The following NAALADL2 variants were observed in gnomAD, a reference collection of about 807,000 sequenced individuals.
NAALADL2 encodes the protein N-acetylated alpha-linked acidic dipeptidase like 2.
Under a neutral mutation model 87.2 loss-of-function variants are expected in NAALADL2, and 76 were observed. That is an observed-to-expected ratio of 0.87 (90% CI 0.72 to 1.05). NAALADL2 has a LOEUF of 1.05. NAALADL2 is among the 50% of genes least tolerant of loss of function. NAALADL2 has a pLI of 0.00. For missense variants in NAALADL2, 1,089 were observed against 945.8 expected, an observed-to-expected ratio of 1.15 and a Z score of -1.99; for synonymous variants, 354 against 331.0, an observed-to-expected ratio of 1.07 and a Z score of -0.75.
intron 2 of NAALADL2, among the ~76,000 whole-genome samples, chr3:174,572,438 G>C (rs1715039530): frequency 6.6e-6 from 1 of 152,184 alleles, no homozygotes; most frequent in African/African-American, 2.4e-5. Flanking sequence ...AAGCATCACT[G>C]TTAATGATGA....
rs146902640 is a variant in NAALADL2, at chr3:175,471,847, T to A, written c.1653+89T>A. ...ATTTCTTGATTTTTTCATTTATTTTTAAATATGCATCAAATGTTGTATAAG... is the reference window on the plus strand; with the variant it reads ...ATTTCTTGATTTTTTCATTTATTTTAAAATATGCATCAAATGTTGTATAAG... On this transcript the variant is annotated intron_variant, in intron 9 of 13. Coordinates refer to ENST00000454872, the MANE Select transcript of NAALADL2 (RefSeq NM_207015.3). 1,084 of 1,066,580 alleles carry A rather than the reference T, an allele frequency of 1.0e-3. 2 individuals are homozygous for A. The highest frequency in any genetic ancestry group is 1.3e-3 in the Non-Finnish European group (974 of 737,324). 66.1% of individuals were successfully genotyped at this position (1,066,580 alleles called of 1,614,324 possible). A position where few individuals can be genotyped will look rare whatever the true frequency, so the allele number is the denominator to read the frequency against.
intron 4 of NAALADL2, among the ~76,000 whole-genome samples, chr3:175,295,712 CACACAA>C (rs1329411373): frequency 9.0e-4 from 43 of 47,586 alleles, no homozygotes; most frequent in South Asian, 1.5e-3. Flanking sequence ...GATACACATG[CACACAA>C]ACACACACAC....
intron 1 of NAALADL2, among the ~76,000 whole-genome samples, chr3:174,908,952 C>T (rs940247032): frequency 6.6e-6 from 1 of 151,538 alleles, no homozygotes; most frequent in Non-Finnish European, 1.5e-5. Flanking sequence ...TGCAGAAAAG[C>T]CTGCAGTAAA....
At chr3:175,143,830 A>T (rs1730372085) in intron 2 of NAALADL2, among the ~76,000 whole-genome samples, 1 of 151,970 alleles carries the variant, frequency 6.6e-6, no homozygotes, top group Non-Finnish European at 1.5e-5. Flanking sequence ...ATGACATATC[A>T]TCAGTAAATA....
chr3:174,819,058 CTTTTTTTTTTTTTTTTTTTTTTT>C (rs3040106), intron 3 of NAALADL2, among the ~76,000 whole-genome samples: 1 of 47,536 alleles, frequency 2.1e-5, no homozygotes, highest in African/African-American at 8.1e-5. Flanking sequence ...ACCATTTATT[CTTTTTTTTTTTTTTTTTTTTTTT>C]TTTTTGGAGA....
In NAALADL2 at chr3:175,560,977, G is replaced by A. The variant is rs187502271; in HGVS notation, c.1654-15064G>A. Among the ~76,000 whole-genome samples, 89 of 152,256 alleles carry A rather than the reference G, an allele frequency of 5.8e-4. 1 individual carries two copies. The Middle Eastern group carries it at 0.01, about 17-fold the overall frequency. On this transcript the variant is annotated intron_variant, in intron 9 of 13. Transcript: ENST00000454872. Reference sequence around the variant, plus strand: ...GGGTTCAAAAAGGAAAGTAAGGCGAGACGACAGACTATTTGCTTACCTTAT... The same window carrying A: ...GGGTTCAAAAAGGAAAGTAAGGCGAAACGACAGACTATTTGCTTACCTTAT...
intron 3 of NAALADL2, among the ~76,000 whole-genome samples, chr3:174,750,233 A>C (rs138112130): frequency 0.022 from 3,393 of 152,266 alleles, 43 homozygotes; most frequent in Middle Eastern, 0.048. Context: ...GCAGTAAGAG[A>C]TCTTTAGCAA....
At chr3:175,485,648 C>T (rs1560631396) in intron 9 of NAALADL2, among the ~76,000 whole-genome samples, 1 of 152,140 alleles carries the variant, frequency 6.6e-6, no homozygotes. Flanking sequence ...GGCTGGAAGA[C>T]TCAGCAAGTT....
At chr3:174,963,579 A>T (rs1246057788) in intron 1 of NAALADL2, among the ~76,000 whole-genome samples, 1 of 152,162 alleles carries the variant, frequency 6.6e-6, no homozygotes, top group Non-Finnish European at 1.5e-5. Context: ...ATCCCCATGT[A>T]CATGACTTCA....
At chr3:174,675,730 A>G (rs1392415430) in intron 2 of NAALADL2, among the ~76,000 whole-genome samples, 1 of 152,070 alleles carries the variant, frequency 6.6e-6, no homozygotes. Flanking sequence ...TAGATAATTG[A>G]CACATTGTGT....
intron 9 of NAALADL2, among the ~76,000 whole-genome samples, chr3:175,526,086 G>A (rs906519787): frequency 6.6e-5 from 10 of 152,188 alleles, no homozygotes; most frequent in African/African-American, 2.4e-4. Context: ...AAAATGTAAA[G>A]TATCAGCCTT....
At chr3:174,546,426 T>C (rs1722735883) in intron 1 of NAALADL2, among the ~76,000 whole-genome samples, 1 of 152,128 alleles carries the variant, frequency 6.6e-6, no homozygotes, top group Admixed American at 6.5e-5. Flanking sequence ...GAAGACCTTA[T>C]TCAGACATTC....
intron 2 of NAALADL2, among the ~76,000 whole-genome samples, chr3:175,148,126 A>AATAATAAT (rs1731047129): frequency 8.6e-6 from 1 of 116,936 alleles, no homozygotes; most frequent in Admixed American, 9.1e-5. Context: ...ATAATAATAA[A>AATAATAAT]ATAATAATAA....
intron 3 of NAALADL2, among the ~76,000 whole-genome samples, chr3:174,749,990 G>A (rs573796643): frequency 7.9e-5 from 12 of 152,216 alleles, no homozygotes; most frequent in African/African-American, 1.9e-4. Context: ...AACATGGACT[G>A]CCTTCCCATG....
At chr3:174,545,979 G>T in intron 1 of NAALADL2, among the ~76,000 whole-genome samples, 1 of 149,694 alleles carries the variant, frequency 6.7e-6, no homozygotes. Context: ...GTTTCTTCCT[G>T]TTTTCCTTTT....
At chr3:175,459,659 C>G (rs1289273979) in intron 6 of NAALADL2, among the ~76,000 whole-genome samples, 1 of 152,056 alleles carries the variant, frequency 6.6e-6, no homozygotes, top group Non-Finnish European at 1.5e-5. Context: ...TCGATATTAA[C>G]AGGTGCTACA....
intron 8 of NAALADL2, among the ~76,000 whole-genome samples, chr3:175,468,846 G>A (rs554774125): frequency 2.0e-5 from 3 of 151,990 alleles, no homozygotes; most frequent in Non-Finnish European, 4.4e-5. Context: ...GCATGTGTGT[G>A]AGCGATAGTT....
intron 1 of NAALADL2, among the ~76,000 whole-genome samples, chr3:174,973,514 T>C (rs1743975107): frequency 6.6e-6 from 1 of 152,224 alleles, no homozygotes; most frequent in Non-Finnish European, 1.5e-5. Flanking sequence ...TATCTAGATG[T>C]TGAAAGTTTA....
chr3:175,716,154 TA>T (rs1741214546), intron 11 of NAALADL2, among the ~76,000 whole-genome samples: 2 of 142,830 alleles, frequency 1.4e-5, no homozygotes, highest in Admixed American at 7.0e-5. Flanking sequence ...ATGTTATATA[TA>T]ATATATAATA....
Sources: allele counts gnomAD v4.1 joint callset (sites outside exome capture counted in the v4.1 genomes callset), GRCh38; gene constraint gnomAD v4.1.1; transcripts MANE v1.5; gene names NCBI Gene and HGNC (gene_info 2026-07-23, HGNC 2026-07-21).